Variants in ERN2 observed in about 807,000 individuals in gnomAD.
The protein encoded by ERN2 is serine/threonine-protein kinase/endoribonuclease IRE2.
ERN2 carries 111 observed loss-of-function variants against 107.9 expected under a neutral mutation model. The ratio of observed to expected loss-of-function variants is 1.03; its 90% CI spans 0.88 to 1.20. The LOEUF is 1.20. Among genes scored for constraint, ERN2 ranks in the 50% most tolerant of loss-of-function variants. The pLI, the probability that ERN2 is intolerant of heterozygous loss-of-function variation, is 0.00. For synonymous variants in ERN2, 524 were observed against 501.7 expected (o/e 1.04, Z -0.59); for missense variants, 1,225 against 1,197.9 (o/e 1.02, Z -0.33).
chr16:23,697,849 T>C (rs1959892644), intron 13 of ERN2, among the ~76,000 whole-genome samples: 1 of 152,114 alleles, frequency 6.6e-6, no homozygotes, highest in South Asian at 2.1e-4. Flanking sequence ...CTCGAACTCC[T>C]GGGCTCAAGC....
chr16:23,701,042 AGTAAGAGTCTGG>A lies in ERN2; in HGVS notation c.1264_1275del (p.Pro422_Tyr425del). ...AGCAGGTCTTGGGGTCCCAGCCCCA[AGTAAGAGTCTGG>A]AGTTTTTTCTTCTGGATGCAGCTCG... is the stretch of plus-strand genomic sequence containing the variant. On this transcript the variant is annotated inframe_deletion, in exon 12 of 22. Transcript: ENST00000256797. 6.2e-7 allele frequency: 1 copy of A among 1,614,174 alleles called. No individual in the cohort carries two copies. Among genetic ancestry groups the A allele is most frequent in the Non-Finnish European group, 8.5e-7 (1 of 1,180,008 alleles).
rs139199425 is a variant in ERN2, at chr16:23,704,900, G to A, written c.837C>T (p.Thr279=). ...ACACCTACAGCAGCTGGGTGTCCAA[G>A]GTAGAGAAGAGGGTGGCTGTGTCCC... ...GPRDTATLFS[T]LDTQLLMTLY... is the part of the protein sequence containing the mutation. The change falls in exon 8 of 22, where the codon ACC becomes ACT. Residue 279 remains threonine, a synonymous_variant. Coordinates refer to ENST00000256797, the MANE Select transcript of ERN2 (RefSeq NM_033266.4). 3.0e-5 allele frequency: 49 copies of A among 1,610,982 alleles called. No homozygotes were observed. Among genetic ancestry groups the A allele is most frequent in the Non-Finnish European group, 4.1e-5 (48 of 1,180,022 alleles).
Position 23,704,743 on chromosome 16 carries a change from T to G in ERN2, c.854+140A>C, listed in dbSNP as rs1332214032. 14 of 988,798 alleles carry G rather than the reference T, an allele frequency of 1.4e-5. No homozygotes were observed. The Admixed American group carries it at 2.4e-4, about 17-fold the overall frequency. The allele number at this position is 988,798 out of a possible 1,614,324, so 61.3% of individuals were successfully genotyped here. A position where few individuals can be genotyped will look rare whatever the true frequency, so the allele number is the denominator to read the frequency against. On this transcript the variant is annotated intron_variant, in intron 8 of 21. Transcript: ENST00000256797. ...ACTGGTTATTTACCAACCAGTTGGG[T>G]AAGTAACCAATTTGAAATGTTTTGA...
chr16:23,700,654 T>A lies in ERN2; in HGVS notation c.1410A>T (p.Ala470=). The A allele has an allele frequency of 6.2e-7, 1 of 1,614,126 alleles. No homozygotes were observed. The highest frequency in any genetic ancestry group is 8.5e-7 in the Non-Finnish European group (1 of 1,180,008). ...CATCCTGGGAGATGTGAGCAAAGTC[T>A]GCAGGTGCCAGGGGGGTCTCCTGCT... ...EKQQETPLAP[A]DFAHISQDAQ... The change falls in exon 13 of 22, where the codon GCA becomes GCT. Residue 470 remains alanine (A), a synonymous_variant. Transcript: ENST00000256797.
intron 11 of ERN2, 45 bp from the exon 12 acceptor site, chr16:23,701,159 G>A: frequency 6.3e-7 from 1 of 1,587,088 alleles, no homozygotes; most frequent in South Asian, 1.2e-5. Context: ...CTTCCACCAG[G>A]GAACCCCTAA....
intron 2 of ERN2, 93 bp from the exon 3 acceptor site, chr16:23,710,642 T>G: frequency 7.2e-7 from 1 of 1,383,136 alleles, no homozygotes; most frequent in Non-Finnish European, 1.0e-6. Context: ...ATGACTGTGA[T>G]GTCAAGCACT....
At chr16:23,710,143 C>T in intron 4 of ERN2, 29 bp downstream of exon 4, 1 of 1,544,546 alleles carries the variant, frequency 6.5e-7, no homozygotes, top group Non-Finnish European at 9.0e-7. Flanking sequence ...CTGGCTCTCA[C>T]CCATTCCCGA....
At chr16:23,701,245 G>A (rs900582035) in intron 11 of ERN2, 131 bp from the exon 12 acceptor site, 8 of 881,984 alleles carry the variant, frequency 9.1e-6, no homozygotes, top group Non-Finnish European at 1.2e-5. Context: ...TGGGAAACGT[G>A]GCACTCTCCA....
rs552196632 is a variant in ERN2, at chr16:23,702,199, C to G, written c.1156G>C (p.Glu386Gln). The change falls in exon 11 of 22, where the codon GAG becomes CAG. Residue 386 changes from glutamate to glutamine, a missense_variant. Coordinates refer to ENST00000256797, the MANE Select transcript of ERN2 (RefSeq NM_033266.4). The stretch of plus-strand genomic sequence containing the variant: ...TGGGTATTCTCTGGAGGTCTTGTCT[C>G]TGCAGTTCCACTCCCCAGGGTGGGA... ...VHPTLGSGTA[E>Q]TRPPENTQAP... is the part of the protein sequence containing the mutation. The G allele has an allele frequency of 1.9e-6, 3 of 1,614,200 alleles. No individual in the cohort carries two copies. Among genetic ancestry groups the G allele is most frequent in the Admixed American group, 1.7e-5 (1 of 60,026 alleles).
In ERN2 at chr16:23,702,709, G is replaced by A; in HGVS notation, c.855-7C>T. ...CCCCACATACAGCGTCATTCTAGTG[G>A]GAGAGAAGAAAAAGAAGAGAAGAAT... On this transcript the variant is annotated splice_polypyrimidine_tract_variant and splice_region_variant and intron_variant, in intron 8 of 21. Transcript: ENST00000256797. 1 of 1,612,296 alleles carries A rather than the reference G, an allele frequency of 6.2e-7. No homozygotes were observed. The highest frequency in any genetic ancestry group is 8.5e-7 in the Non-Finnish European group (1 of 1,178,342).
intron 8 of ERN2, among the ~76,000 whole-genome samples, chr16:23,704,213 GTATT>G (rs1960206129): frequency 6.6e-6 from 1 of 152,184 alleles, no homozygotes; most frequent in Admixed American, 6.5e-5. Context: ...GTTATTTAAA[GTATT>G]TAACAATCCA....
At chr16:23,704,451 G>T (rs564230600) in intron 8 of ERN2, among the ~76,000 whole-genome samples, 21 of 152,308 alleles carry the variant, frequency 1.4e-4, no homozygotes, top group Admixed American at 1.1e-3. Context: ...CCCTGCACAA[G>T]CTTCTCTCTT....
intron 17 of ERN2, among the ~76,000 whole-genome samples, 195 bp downstream of exon 17, chr16:23,694,533 G>C (rs1430522346): frequency 6.6e-6 from 1 of 152,198 alleles, no homozygotes; most frequent in Non-Finnish European, 1.5e-5. Flanking sequence ...TGTCCCCTGG[G>C]TGGCAAAACA....
At chr16:23,704,490 C>T (rs1447214973) in intron 8 of ERN2, among the ~76,000 whole-genome samples, 1 of 152,212 alleles carries the variant, frequency 6.6e-6, no homozygotes, top group Non-Finnish European at 1.5e-5. Context: ...TAAGATGTGA[C>T]TTGTTCCTGC....
At position 23,690,467 on chromosome 16, in the gene ERN2, G is replaced by A; in HGVS notation, c.*364C>T. On this transcript the variant is annotated 3_prime_UTR_variant, in exon 22 of 22. Transcript: ENST00000256797. The stretch of plus-strand genomic sequence containing the variant: ...CCCAGCCTCTGCCAGTCTTGTGGGG[G>A]AAAGGGGGTGACAGTGTCTCTCTGT... 1 of 456,122 alleles carries A rather than the reference G, an allele frequency of 2.2e-6. No individual in the cohort carries two copies. Among genetic ancestry groups the A allele is most frequent in the Admixed American group, 3.5e-5 (1 of 28,432 alleles). The allele number at this position is 456,122 out of a possible 1,614,324, so 28.3% of individuals were successfully genotyped here.
intron 13 of ERN2, chr16:23,697,359 C>CA (rs1360478631): frequency 6.6e-6 from 1 of 152,166 alleles, no homozygotes; most frequent in Non-Finnish European, 1.5e-5. Context: ...TAGATGGGCT[C>CA]AGGCAGGGCC....
At position 23,695,044 on chromosome 16, in the gene ERN2, C is replaced by A; in HGVS notation, c.1875G>T (p.Leu625=). The change falls in exon 16 of 22, where the codon CTG becomes CTT. Residue 625 remains leucine, a synonymous_variant. Transcript: ENST00000256797. ...EVVLQQLMSG[L]AHLHSLHIVH... ...CTATGTGTAAAGAGTGCAGGTGGGC[C>A]AGGCCAGACATCAGCTGCTGCAGCA... 6.2e-7 allele frequency: 1 copy of A among 1,613,582 alleles called. No individual in the cohort carries two copies. Among genetic ancestry groups the A allele is most frequent in the Non-Finnish European group, 8.5e-7 (1 of 1,179,778 alleles).
In ERN2 at chr16:23,710,972, T is replaced by A. The variant is rs1366433538; in HGVS notation, c.140A>T (p.Asp47Val). Reference protein sequence around the residue: ...PENLLLVSTLDGSLHALSKQT... With the variant: ...PENLLLVSTLVGSLHALSKQT... ...CTTGCTTAGTGCGTGGAGACTTCCA[T>A]CCAAGGTGGACACCAGCAGGAGGTT... Residue 47 changes from aspartate to valine, a missense_variant, in exon 2 of 22, where the codon GAT becomes GTT. Transcript: ENST00000256797. The A allele has an allele frequency of 1.9e-6, 3 of 1,614,114 alleles. No individual in the cohort carries two copies. Among genetic ancestry groups the A allele is most frequent in the Non-Finnish European group, 2.5e-6 (3 of 1,179,992 alleles).
chr16:23,704,771 C>T lies in ERN2; in HGVS notation c.854+112G>A. ...GTAACCAATTTGAAATGTTTTGACC[C>T]CTGGTTCAGCGGTACTGGTGTGTCA... On this transcript the variant is annotated intron_variant, in intron 8 of 21. Transcript: ENST00000256797. 3 of 1,194,752 alleles carry T rather than the reference C, an allele frequency of 2.5e-6. No homozygotes were observed. The South Asian group carries it at 4.1e-5, about 16-fold the overall frequency. 74.0% of individuals were successfully genotyped at this position (1,194,752 alleles called of 1,614,324 possible).
Sources: gnomAD v4.1 joint callset for allele counts (sites outside exome capture counted in the v4.1 genomes callset) on GRCh38, gnomAD v4.1.1 for gene constraint, MANE v1.5 for transcripts, NCBI Gene and HGNC (gene_info 2026-07-23, HGNC 2026-07-21) for gene names.